Variants in HFM1 observed in about 807,000 individuals in gnomAD.
HFM1 encodes the protein helicase for meiosis 1.
Under a neutral mutation model 192.1 loss-of-function variants are expected in HFM1, and 169 were observed. The observed-to-expected ratio is 0.88, with a 90% CI of 0.78 to 1.00. The LOEUF (loss-of-function observed/expected upper bound fraction) is 1.00. HFM1 is among the 50% of genes least tolerant of loss of function. The pLI, the probability that HFM1 is intolerant of heterozygous loss-of-function variation, is 0.00. For synonymous variants in HFM1, 525 were observed against 537.8 expected, an observed-to-expected ratio of 0.98 and a Z score of 0.33; for missense variants, 1,661 against 1,668.0, an observed-to-expected ratio of 1.00 and a Z score of 0.07.
chr1:91,351,694 C>T, intron 16 of HFM1, 51 bp from the exon 17 acceptor site: 1 of 906,610 alleles, frequency 1.1e-6, no homozygotes, highest in Non-Finnish European at 1.8e-6. Flanking sequence ...ATCTTGGTAG[C>T]AGTCCTCTTC....
intron 23 of HFM1, 27 bp downstream of exon 23, chr1:91,322,923 A>G: frequency 1.8e-6 from 2 of 1,086,074 alleles, no homozygotes; most frequent in Non-Finnish European, 2.5e-6. Flanking sequence ...AAAAAAGAAA[A>G]CTTTCATAAG....
At chr1:91,397,983 A>G (rs576033490) in intron 2 of HFM1, among the ~76,000 whole-genome samples, 22 of 152,230 alleles carry the variant, frequency 1.4e-4, no homozygotes, top group Non-Finnish European at 3.1e-4. Context: ...AGAATCTCAG[A>G]AAAAAAGCAG....
intron 13 of HFM1, among the ~76,000 whole-genome samples, chr1:91,370,956 CAGAG>C (rs1325657480): frequency 6.6e-6 from 1 of 151,930 alleles, no homozygotes; most frequent in East Asian, 1.9e-4. Context: ...AACAGACAAA[CAGAG>C]AGCCAAATCA....
chr1:91,404,629 C>T (rs896716804), intron 1 of HFM1, 169 bp downstream of exon 1: 1 of 260,916 alleles, frequency 3.8e-6, no homozygotes, highest in Admixed American at 6.0e-5. Flanking sequence ...GGCCGGCGGC[C>T]TGGAGACGCC....
intron 33 of HFM1, among the ~76,000 whole-genome samples, chr1:91,274,439 A>C (rs1666611446): frequency 6.6e-6 from 1 of 152,110 alleles, no homozygotes; most frequent in Non-Finnish European, 1.5e-5. Context: ...TACTCTTGTC[A>C]CTTAGTTTAT....
chr1:91,319,059 G>A lies in HFM1; in HGVS notation c.2812+19C>T, dbSNP rs551055855. The A allele has an allele frequency of 6.4e-7, 1 of 1,567,072 alleles. No individual in the cohort carries two copies. The highest frequency in any genetic ancestry group is 1.2e-5 in the South Asian group (1 of 82,796). On this transcript the variant is annotated intron_variant, in intron 25 of 38. Transcript: ENST00000370425. ...AATTGCAGACATGGCCAAACTGCCTGCCTGTATTCAGTACCTACCAATTTT... is the reference window on the plus strand; with the variant it reads ...AATTGCAGACATGGCCAAACTGCCTACCTGTATTCAGTACCTACCAATTTT...
At chr1:91,270,078 G>A (rs1211031068) in intron 34 of HFM1, among the ~76,000 whole-genome samples, 2 of 152,126 alleles carry the variant, frequency 1.3e-5, no homozygotes, top group African/African-American at 2.4e-5. Flanking sequence ...AGATATGTCT[G>A]TCAGATCACT....
At chr1:91,328,925 T>C in intron 20 of HFM1, 1 of 1,611,654 alleles carries the variant, frequency 6.2e-7, no homozygotes. Flanking sequence ...GGACATGGAC[T>C]GCTTCACCTT....
chr1:91,375,424 A>T lies in HFM1; in HGVS notation c.1619T>A (p.Val540Glu). Residue 540 changes from valine to glutamate, a missense_variant, in exon 13 of 39, where the codon GTG (valine) becomes GAG (glutamate). Physicochemically the swap from Val to Glu is moderately radical, Grantham distance 121. Transcript: ENST00000370425. ...CACAAGAACAGAAGCAGCCTGTTGC[A>T]CACCCTTCCTTGTTGCACAAAACTG... ...TLVFCATRKG[V>E]QQAASVLVKD... 2 of 1,613,190 alleles carry T rather than the reference A, an allele frequency of 1.2e-6. No homozygotes were observed. Among genetic ancestry groups the T allele is most frequent in the Non-Finnish European group, 1.7e-6 (2 of 1,179,424 alleles).
chr1:91,285,309 T>C (rs1391176046), intron 30 of HFM1, among the ~76,000 whole-genome samples: 2 of 152,222 alleles, frequency 1.3e-5, no homozygotes, highest in African/African-American at 4.8e-5. Flanking sequence ...TTTTTATATA[T>C]AGTCCTATAA....
At chr1:91,300,607 C>T (rs917377192) in intron 30 of HFM1, among the ~76,000 whole-genome samples, 1 of 152,174 alleles carries the variant, frequency 6.6e-6, no homozygotes, top group Non-Finnish European at 1.5e-5. Flanking sequence ...GGCTTCATCC[C>T]TGGGATGCAA....
intron 6 of HFM1, among the ~76,000 whole-genome samples, chr1:91,382,227 T>C (rs1398161235): frequency 1.3e-5 from 2 of 152,202 alleles, no homozygotes; most frequent in Admixed American, 6.5e-5. Context: ...AAGTACTGTT[T>C]AATTCTACAC....
chr1:91,344,667 T>TAG (rs3037188), intron 19 of HFM1, among the ~76,000 whole-genome samples: 151,671 of 151,856 alleles, frequency 1, 75,743 homozygotes, highest in East Asian at 1. Context: ...AATGACTGTG[T>TAG]AATTTTAAAT....
At chr1:91,375,872 T>C in intron 11 of HFM1, 145 bp from the exon 12 acceptor site, 1 of 636,106 alleles carries the variant, frequency 1.6e-6, no homozygotes, top group Non-Finnish European at 2.8e-6. Context: ...ACATATTCCA[T>C]TAATATTATT....
At chr1:91,310,948 A>C (rs879243859) in intron 30 of HFM1, among the ~76,000 whole-genome samples, 5 of 152,238 alleles carry the variant, frequency 3.3e-5, no homozygotes, top group Admixed American at 3.3e-4. Context: ...CTGAAAAGAT[A>C]CCCAAATATG....
Position 91,316,410 on chromosome 1 carries a change from T to A in HFM1, c.2879A>T (p.Asp960Val). ...AACTACCAATTCAAGTTCCCTTGCA[T>A]CTGTCTCTTCTATTTTTTTAAAGGA... is the stretch of plus-strand genomic sequence containing the variant. ...LTSFKKIEET[D>V]ARELELILNR... The change falls in exon 26 of 39, where the codon GAT (aspartate) becomes GTT (valine). Residue 960 changes from aspartate to valine, a missense_variant. By Grantham distance (152) the Asp-to-Val change is radical. Coordinates refer to ENST00000370425, the MANE Select transcript of HFM1 (RefSeq NM_001017975.6). 2 of 1,571,360 alleles carry A rather than the reference T, an allele frequency of 1.3e-6. No homozygotes were observed. The highest frequency in any genetic ancestry group is 1.7e-6 in the Non-Finnish European group (2 of 1,150,644).
rs552904338 is a variant in HFM1 at position 91,387,303 on chromosome 1, C to A, written c.495-1469G>T. 2.0e-3 allele frequency among the ~76,000 whole-genome samples: 305 copies of A among 152,134 alleles called. 4 individuals carry two copies. The highest frequency in any genetic ancestry group is 7.2e-3 in the African/African-American group (297 of 41,534). On this transcript the variant is annotated intron_variant, in intron 4 of 38. Transcript: ENST00000370425. ...GCTTCACAATGATAGGAAGAGCCGA[C>A]ATCGAAGGATCAAAAAGCGACGTCG...
chr1:91,353,869 G>T (rs1441094552), intron 13 of HFM1, among the ~76,000 whole-genome samples: 1 of 149,156 alleles, frequency 6.7e-6, no homozygotes, highest in Non-Finnish European at 1.5e-5. Flanking sequence ...AAATTTGAAA[G>T]AGGTGATTAT....
chr1:91,299,552 A>G lies in HFM1; in HGVS notation c.3391+13797T>C, dbSNP rs567614950. 3.7e-3 allele frequency among the ~76,000 whole-genome samples: 571 copies of G among 152,294 alleles called. 1 individual carries two copies. Among genetic ancestry groups the G allele is most frequent in the Non-Finnish European group, 4.4e-3 (297 of 68,024 alleles). ...GTTGGAAGTAAAGCTCTCCTCAGCA[A>G]ATGTAAAAGAACAGAAATTATAACA... On this transcript the variant is annotated intron_variant, in intron 30 of 38. Transcript: ENST00000370425.
Sources: allele counts gnomAD v4.1 joint callset (sites outside exome capture counted in the v4.1 genomes callset), GRCh38; gene constraint gnomAD v4.1.1; transcripts MANE v1.5; gene names NCBI Gene and HGNC (gene_info 2026-07-23, HGNC 2026-07-21).